FYB1: variants seen among roughly 807,000 people sequenced by gnomAD.
The protein encoded by FYB1 is FYN-binding protein 1.
A neutral mutation model predicts 94.1 loss-of-function variants in FYB1; 41 were observed. The ratio of observed to expected loss-of-function variants is 0.44; its 90% CI spans 0.34 to 0.57. FYB1 has a LOEUF of 0.57. FYB1 is among the 20% of genes least tolerant of loss of function. FYB1 has a pLI of 0.02. For synonymous variants in FYB1, 367 were observed against 353.2 expected, an observed-to-expected ratio of 1.04 and a Z score of -0.44; for missense variants, 1,050 against 976.8, an observed-to-expected ratio of 1.07 and a Z score of -1.00.
rs938848741 is a variant in FYB1, at chr5:39,216,721, T to G, written c.-28+2722A>C. 3.2e-4 allele frequency among the ~76,000 whole-genome samples: 48 copies of G among 152,318 alleles called. 1 individual carries two copies. Among genetic ancestry groups the G allele is most frequent in the African/African-American group, 1.2e-3 (48 of 41,564 alleles). On this transcript the variant is annotated intron_variant, in intron 1 of 18. Coordinates refer to ENST00000512982, the MANE Select transcript of FYB1 (RefSeq NM_001465.6). Reference sequence around the variant, plus strand: ...GCTGCACCACCATTTGTTGCCATATTAGAGGTGACATCCCAGCTGGGATTA... The same window carrying G: ...GCTGCACCACCATTTGTTGCCATATGAGAGGTGACATCCCAGCTGGGATTA...
intron 3 of FYB1, among the ~76,000 whole-genome samples, chr5:39,143,812 A>G (rs1742398892): frequency 6.6e-6 from 1 of 152,166 alleles, no homozygotes; most frequent in Non-Finnish European, 1.5e-5. Flanking sequence ...ATAGGTAGGG[A>G]CTAACTGTTA....
At chr5:39,173,022 C>G (rs531702960) in intron 2 of FYB1, among the ~76,000 whole-genome samples, 1 of 152,182 alleles carries the variant, frequency 6.6e-6, no homozygotes, top group Non-Finnish European at 1.5e-5. Context: ...TGAGGAGTCT[C>G]CAAGCTACTT....
At chr5:39,273,747 T>C (rs757788240) in intron 1 of FYB1, among the ~76,000 whole-genome samples, 4 of 152,160 alleles carry the variant, frequency 2.6e-5, no homozygotes, top group South Asian at 2.1e-4. Context: ...CCTTCAGTAC[T>C]CACTGAAGGT....
At chr5:39,185,568 G>GTA (rs1393267707) in intron 2 of FYB1, among the ~76,000 whole-genome samples, 1 of 132,654 alleles carries the variant, frequency 7.5e-6, no homozygotes, top group East Asian at 2.0e-4. Context: ...TTGTGTGTGT[G>GTA]TATATATATA....
chr5:39,271,719 G>A (rs1752669134), intron 1 of FYB1, among the ~76,000 whole-genome samples: 1 of 152,190 alleles, frequency 6.6e-6, no homozygotes, highest in Non-Finnish European at 1.5e-5. Flanking sequence ...CCAGGGTAGG[G>A]GTTGAGTTCC....
intron 1 of FYB1, among the ~76,000 whole-genome samples, chr5:39,215,147 A>AT (rs1314219830): frequency 9.8e-5 from 15 of 152,326 alleles, no homozygotes; most frequent in African/African-American, 3.6e-4. Context: ...GTAATGCCAC[A>AT]TTTTACCCTT....
At chr5:39,208,413 C>T (rs573421520) in intron 1 of FYB1, among the ~76,000 whole-genome samples, 2 of 152,242 alleles carry the variant, frequency 1.3e-5, no homozygotes, top group South Asian at 2.1e-4. Context: ...TTACCCAAAT[C>T]GGTTTTTCAA....
Position 39,134,990 on chromosome 5 carries a change from G to T in FYB1, c.1540C>A (p.His514Asn), listed in dbSNP as rs775419662. 6.2e-7 allele frequency: 1 copy of T among 1,613,734 alleles called. No homozygotes were observed. The highest frequency in any genetic ancestry group is 1.1e-5 in the South Asian group (1 of 91,070). The change falls in exon 8 of 19, where the codon CAT becomes AAT. Residue 514 changes from histidine to asparagine, a missense_variant. His to Asn is a moderately conservative substitution (Grantham distance 68). Coordinates refer to ENST00000512982, the MANE Select transcript of FYB1 (RefSeq NM_001465.6). ...FKLTGPIQVI[H>N]LAKACCDVKG... ...ACATCACAACAAGCTTTTGCAAGAT[G>T]GATGACTTGAATAGGGCCTGTTAGC...
At chr5:39,268,263 G>T (rs930321249) in intron 1 of FYB1, among the ~76,000 whole-genome samples, 1 of 149,526 alleles carries the variant, frequency 6.7e-6, no homozygotes, top group African/African-American at 2.5e-5. Context: ...TTGAATACAG[G>T]GTTGCCTGGG....
chr5:39,202,708 G>A lies in FYB1; in HGVS notation c.253C>T (p.Pro85Ser). ...CCGAATCTTTGGCCTGCTCCAGTGG[G>A]CTTTAGAAACGGGGGCTTGGGTTCC... ...DKEPKPPFLK[P>S]TGAGQRFGTP... is the part of the protein sequence containing the mutation. The change falls in exon 2 of 19, where the codon CCC (proline) becomes TCC (serine). Residue 85 changes from proline to serine, a missense_variant. Physicochemically the swap from Pro to Ser is moderately conservative, Grantham distance 74. Coordinates refer to ENST00000512982, the MANE Select transcript of FYB1 (RefSeq NM_001465.6). The A allele has an allele frequency of 3.7e-6, 6 of 1,613,940 alleles. No individual in the cohort carries two copies. The highest frequency in any genetic ancestry group is 4.2e-6 in the Non-Finnish European group (5 of 1,179,864).
chr5:39,131,335 T>G (rs1379854960), intron 9 of FYB1, among the ~76,000 whole-genome samples: 2 of 152,124 alleles, frequency 1.3e-5, no homozygotes, highest in Non-Finnish European at 2.9e-5. Context: ...ATTCCCTCAT[T>G]ATACAGAAAA....
At chr5:39,206,129 T>C (rs1446188243) in intron 1 of FYB1, among the ~76,000 whole-genome samples, 1 of 152,198 alleles carries the variant, frequency 6.6e-6, no homozygotes, top group Non-Finnish European at 1.5e-5. Context: ...GATATTTAAG[T>C]TTGGTTTACC....
chr5:39,262,230 C>G (rs552265399), intron 1 of FYB1, among the ~76,000 whole-genome samples: 1 of 151,668 alleles, frequency 6.6e-6, no homozygotes, highest in East Asian at 1.9e-4. Context: ...ACTGGGAGAG[C>G]AAAATTTGCA....
chr5:39,244,489 G>C (rs1231508585), intron 1 of FYB1, among the ~76,000 whole-genome samples: 6 of 152,078 alleles, frequency 3.9e-5, no homozygotes, highest in Non-Finnish European at 8.8e-5. Context: ...AGGGATGAAG[G>C]CCACTTGATC....
Position 39,111,408 on chromosome 5 carries a change from C to T in FYB1, c.2402-1019G>A, listed in dbSNP as rs200064750. The stretch of plus-strand genomic sequence containing the variant: ...TGTTACAAATTATAAGGAGAAAGCT[C>T]ATAAGCAAAAATTAATAATATAAAT... On this transcript the variant is annotated intron_variant, in intron 16 of 18. Transcript: ENST00000512982. Among the ~76,000 whole-genome samples, 19 of 151,848 alleles carry T rather than the reference C, an allele frequency of 1.3e-4. No individual in the cohort carries two copies. In the East Asian group the frequency reaches 3.7e-3, roughly 29 times the overall value.
At chr5:39,218,476 C>T (rs919593588) in intron 1 of FYB1, among the ~76,000 whole-genome samples, 2 of 152,094 alleles carry the variant, frequency 1.3e-5, no homozygotes, top group African/African-American at 2.4e-5. Flanking sequence ...TTCACCCTTC[C>T]GGTGATAAGC....
chr5:39,240,773 A>G (rs1278675142), intron 1 of FYB1, among the ~76,000 whole-genome samples: 1 of 152,164 alleles, frequency 6.6e-6, no homozygotes, highest in Non-Finnish European at 1.5e-5. Context: ...AATTTCTCAA[A>G]GAACTTAAAA....
chr5:39,187,480 T>C (rs1746939007), intron 2 of FYB1, among the ~76,000 whole-genome samples: 2 of 152,194 alleles, frequency 1.3e-5, no homozygotes, highest in South Asian at 4.1e-4. Context: ...AAGAACAAGA[T>C]GAACATTGTT....
chr5:39,262,493 A>G (rs1419963232), intron 1 of FYB1, among the ~76,000 whole-genome samples: 2 of 152,228 alleles, frequency 1.3e-5, no homozygotes, highest in African/African-American at 4.8e-5. Context: ...AAATATGACA[A>G]TGTCAAGTTT....
Sources: allele counts gnomAD v4.1 joint callset (sites outside exome capture counted in the v4.1 genomes callset), GRCh38; gene constraint gnomAD v4.1.1; transcripts MANE v1.5; gene names NCBI Gene and HGNC (gene_info 2026-07-23, HGNC 2026-07-21).